CFAP54: variants seen among roughly 807,000 people sequenced by gnomAD.
The protein encoded by CFAP54 is cilia and flagella associated protein 54.
A neutral mutation model predicts 370.4 loss-of-function variants in CFAP54; 290 were observed. The ratio of observed to expected loss-of-function variants is 0.78; its 90% CI spans 0.71 to 0.86. CFAP54 has a LOEUF of 0.86. Among genes scored for constraint, CFAP54 ranks in the 40% least tolerant of loss-of-function variants. The probability of loss-of-function intolerance (pLI) is 0.00; values close to 1 mark genes in which losing one functional copy is unlikely to be tolerated. For synonymous variants in CFAP54, 1,206 were observed against 1,236.5 expected (o/e 0.98, Z 0.52); for missense variants, 3,399 against 3,528.7 (o/e 0.96, Z 0.93).
At chr12:96,857,388 T>C (rs987266974) in intron 66 of CFAP54, among the ~76,000 whole-genome samples, 1 of 152,214 alleles carries the variant, frequency 6.6e-6, no homozygotes, top group Non-Finnish European at 1.5e-5. Context: ...GAAAATGTGG[T>C]ATTTGGTTTT....
At chr12:96,533,570 A>G (rs900785411) in intron 9 of CFAP54, among the ~76,000 whole-genome samples, 2 of 151,968 alleles carry the variant, frequency 1.3e-5, no homozygotes, top group African/African-American at 2.4e-5. Context: ...ATCCTTCCCT[A>G]ACTGCCCTCC....
chr12:96,835,522 C>A (rs1201588372), intron 66 of CFAP54, among the ~76,000 whole-genome samples: 1 of 151,138 alleles, frequency 6.6e-6, no homozygotes, highest in African/African-American at 2.5e-5. Flanking sequence ...TGCCCAGGAA[C>A]CTGTCTGCCT....
chr12:96,585,242 C>A (rs892803621), intron 22 of CFAP54, among the ~76,000 whole-genome samples: 11 of 152,088 alleles, frequency 7.2e-5, no homozygotes, highest in Admixed American at 5.9e-4. Flanking sequence ...CTTACTGCAA[C>A]CTCCACCTCC....
intron 42 of CFAP54, among the ~76,000 whole-genome samples, chr12:96,688,644 T>C (rs185138931): frequency 6.6e-6 from 1 of 152,282 alleles, no homozygotes; most frequent in African/African-American, 2.4e-5. Flanking sequence ...TCTTAATATG[T>C]ATGTATATGT....
chr12:96,572,950 G>A, intron 19 of CFAP54: 1 of 985,392 alleles, frequency 1.0e-6, no homozygotes, highest in Non-Finnish European at 1.2e-6. Flanking sequence ...TAAGTCAGAA[G>A]GTGCTAGTGT....
chr12:96,562,124 G>T (rs1350121949), intron 17 of CFAP54, among the ~76,000 whole-genome samples: 1 of 151,942 alleles, frequency 6.6e-6, no homozygotes, highest in Non-Finnish European at 1.5e-5. Flanking sequence ...AACACTAAAA[G>T]GTTTCTCCTC....
chr12:96,810,476 C>G (rs77656931), intron 63 of CFAP54, among the ~76,000 whole-genome samples: 1,685 of 151,968 alleles, frequency 0.011, 27 homozygotes, highest in African/African-American at 0.038. Context: ...AGATTTGGGT[C>G]TAATAAAGTC....
chr12:96,738,021 T>C (rs1008189692), intron 50 of CFAP54, among the ~76,000 whole-genome samples: 2 of 152,046 alleles, frequency 1.3e-5, no homozygotes, highest in African/African-American at 4.8e-5. Flanking sequence ...GTGGCTGCTG[T>C]GTGGAGACCA....
At chr12:96,764,083 G>C in intron 58 of CFAP54, 68 bp from the exon 59 acceptor site, 1 of 992,932 alleles carries the variant, frequency 1.0e-6, no homozygotes, top group Non-Finnish European at 1.5e-6. Flanking sequence ...TCACTAAAAT[G>C]TCATCTTCAG....
At chr12:96,582,452 C>T (rs1318384289) in intron 22 of CFAP54, among the ~76,000 whole-genome samples, 1 of 151,974 alleles carries the variant, frequency 6.6e-6, no homozygotes, top group African/African-American at 2.4e-5. Context: ...AAGATAAGAT[C>T]TTAGTGGCAT....
At chr12:96,651,478 A>T in intron 35 of CFAP54, 110 bp from the exon 36 acceptor site, 1 of 809,424 alleles carries the variant, frequency 1.2e-6, no homozygotes, top group Non-Finnish European at 2.0e-6. Flanking sequence ...CTAACAAATG[A>T]TGTTAGTTAT....
rs745893686 is a variant in CFAP54, at chr12:96,756,432, A to G, written c.7841-26A>G. 7.9e-6 allele frequency: 11 copies of G among 1,385,054 alleles called. No homozygotes were observed. The South Asian group carries it at 1.0e-4, about 13-fold the overall frequency. 85.8% of individuals were successfully genotyped at this position (1,385,054 alleles called of 1,614,324 possible). ...CTAAGTGCTAGAAAAAGGAAAAACC[A>G]TCTTTGTATCTTTTTCTTCTTTCAG... is the stretch of plus-strand genomic sequence containing the variant. On this transcript the variant is annotated intron_variant, in intron 56 of 67. Transcript: ENST00000524981.
At chr12:96,746,004 G>GT (rs1461457406) in intron 55 of CFAP54, among the ~76,000 whole-genome samples, 15 of 152,142 alleles carry the variant, frequency 9.9e-5, no homozygotes, top group Non-Finnish European at 1.5e-5. Context: ...TGCGAGCATG[G>GT]TTAATGACTC....
chr12:96,820,950 T>A (rs1206655933), intron 65 of CFAP54, among the ~76,000 whole-genome samples: 1 of 152,212 alleles, frequency 6.6e-6, no homozygotes, highest in Non-Finnish European at 1.5e-5. Context: ...GGTTCATATA[T>A]GGAAAATGAT....
At chr12:96,529,447 G>A (rs1353749118) in intron 9 of CFAP54, among the ~76,000 whole-genome samples, 5 of 151,938 alleles carry the variant, frequency 3.3e-5, no homozygotes, top group Non-Finnish European at 5.9e-5. Flanking sequence ...TTTACAAAGT[G>A]GTTTTTTTTA....
At chr12:96,813,594 C>T (rs957075617) in intron 64 of CFAP54, among the ~76,000 whole-genome samples, 3 of 152,184 alleles carry the variant, frequency 2.0e-5, no homozygotes, top group African/African-American at 7.2e-5. Context: ...CAATAGTGTT[C>T]TCAATGAACA....
At chr12:96,817,157 T>C (rs1049614313) in intron 64 of CFAP54, among the ~76,000 whole-genome samples, 1 of 152,240 alleles carries the variant, frequency 6.6e-6, no homozygotes, top group African/African-American at 2.4e-5. Context: ...TTTCACCACA[T>C]AGATAATTAT....
intron 19 of CFAP54, among the ~76,000 whole-genome samples, chr12:96,574,017 CA>C (rs1343806634): frequency 1.3e-5 from 2 of 152,176 alleles, no homozygotes; most frequent in Non-Finnish European, 2.9e-5. Flanking sequence ...ACCTTAATGT[CA>C]ACCATTTCCA....
intron 66 of CFAP54, among the ~76,000 whole-genome samples, chr12:96,860,039 A>G (rs1420652): frequency 0.37 from 56,253 of 151,862 alleles, 10,894 homozygotes; most frequent in East Asian, 0.43. Flanking sequence ...CAAATACAAT[A>G]TTCACATTTA....
Sources: gnomAD v4.1 joint callset for allele counts (sites outside exome capture counted in the v4.1 genomes callset) on GRCh38, gnomAD v4.1.1 for gene constraint, MANE v1.5 for transcripts, NCBI Gene and HGNC (gene_info 2026-07-23, HGNC 2026-07-21) for gene names.